The following NAV1 variants were observed in gnomAD, a reference collection of about 807,000 sequenced individuals.
NAV1 encodes pore membrane and/or filament interacting like protein 3.
In NAV1, 18 loss-of-function variants were observed where a neutral mutation model predicts 175.2. The observed-to-expected ratio is 0.10, with a 90% CI of 0.07 to 0.15. The LOEUF is 0.15. Ranked by LOEUF, NAV1 falls within the 10% of genes least tolerant of loss-of-function variation. The pLI is 1.00. For missense variants in NAV1, 1,731 were observed against 2,436.6 expected, an observed-to-expected ratio of 0.71 and a Z score of 6.10; for synonymous variants, 897 against 978.7, an observed-to-expected ratio of 0.92 and a Z score of 1.56.
Position 201,771,332 on chromosome 1 carries a change from G to A in NAV1, c.1227-9089G>A, listed in dbSNP as rs566408027. Among the ~76,000 whole-genome samples the A allele has an allele frequency of 2.0e-5, 3 of 151,512 alleles. No individual in the cohort carries two copies. The East Asian group carries it at 5.8e-4, about 30-fold the overall frequency. The stretch of plus-strand genomic sequence containing the variant: ...TCAAGACCAGCCTGGCCAACATGGC[G>A]AAACTCCATCTCTACTTAAAATACA... On this transcript the variant is annotated intron_variant, in intron 3 of 29. Transcript: ENST00000367296.
At chr1:201,691,240 C>A (rs112169769) in intron 1 of NAV1, among the ~76,000 whole-genome samples, 4 of 152,196 alleles carry the variant, frequency 2.6e-5, no homozygotes, top group Admixed American at 1.3e-4. Flanking sequence ...CTCCAGACAT[C>A]ACCAAATGTC....
At position 201,785,299 on chromosome 1, in the gene NAV1, T is replaced by A. The variant is rs761921346; in HGVS notation, c.2805-11T>A. 145 of 1,534,200 alleles carry A rather than the reference T, an allele frequency of 9.5e-5. No homozygotes were observed. Among genetic ancestry groups the A allele is most frequent in the Non-Finnish European group, 1.1e-4 (125 of 1,142,196 alleles). ...CTCTCTCTCTTTTTTTTTTTTTTTT[T>A]ATCTCCACAGTAATCAGCGGGATCG... is the stretch of plus-strand genomic sequence containing the variant. On this transcript the variant is annotated splice_polypyrimidine_tract_variant and intron_variant, in intron 7 of 29. Transcript: ENST00000367296.
At chr1:201,632,595 C>T (rs1668508578) in intron 2 of NAV1, among the ~76,000 whole-genome samples, 1 of 152,232 alleles carries the variant, frequency 6.6e-6, no homozygotes. Context: ...GAAAGGTTGC[C>T]CCAAGGCTTA....
intron 1 of NAV1, among the ~76,000 whole-genome samples, chr1:201,704,927 A>G (rs1303496935): frequency 3.9e-5 from 6 of 152,190 alleles, no homozygotes; most frequent in Non-Finnish European, 1.5e-5. Flanking sequence ...AAAGAGGGGA[A>G]GTAATTCACC....
chr1:201,570,448 C>T (rs1666498766), intron 1 of NAV1, among the ~76,000 whole-genome samples: 1 of 152,222 alleles, frequency 6.6e-6, no homozygotes, highest in Admixed American at 6.5e-5. Context: ...TGGGAAAGGG[C>T]TCTCCAGCCA....
chr1:201,650,140 A>G (rs980253762), intron 1 of NAV1, among the ~76,000 whole-genome samples: 1 of 152,246 alleles, frequency 6.6e-6, no homozygotes, highest in Non-Finnish European at 1.5e-5. Context: ...TTGACCGGGA[A>G]GCCTTTGCCC....
At chr1:201,733,010 G>T (rs1367490758) in intron 3 of NAV1, among the ~76,000 whole-genome samples, 2 of 152,126 alleles carry the variant, frequency 1.3e-5, no homozygotes, top group Non-Finnish European at 2.9e-5. Flanking sequence ...GGCGGAGGTT[G>T]CAGTGAGCTG....
chr1:201,784,066 A>G (rs1335944252), intron 7 of NAV1, among the ~76,000 whole-genome samples: 1 of 152,224 alleles, frequency 6.6e-6, no homozygotes, highest in African/African-American at 2.4e-5. Context: ...AAATGAAGAA[A>G]CTTGTGCACA....
chr1:201,665,997 G>A (rs1357790958), intron 1 of NAV1, among the ~76,000 whole-genome samples: 3 of 152,078 alleles, frequency 2.0e-5, no homozygotes, highest in Admixed American at 1.3e-4. Flanking sequence ...ACGTGTAAAG[G>A]AAGTGAAGGA....
At chr1:201,731,174 G>A (rs570703972) in intron 3 of NAV1, among the ~76,000 whole-genome samples, 1 of 148,592 alleles carries the variant, frequency 6.7e-6, no homozygotes, top group Admixed American at 6.6e-5. Context: ...ACGGGGGCAT[G>A]TGCGGTAGAA....
At chr1:201,643,077 TTCTC>T (rs566102454) in intron 2 of NAV1, among the ~76,000 whole-genome samples, 9 of 150,300 alleles carry the variant, frequency 6.0e-5, no homozygotes, top group Non-Finnish European at 1.0e-4. Context: ...CCTGGCCTCT[TTCTC>T]TCTTTCTTTC....
chr1:201,627,311 C>T lies in NAV1; in HGVS notation c.-100-2093C>T, dbSNP rs12041023. ...TTTTTGAAATGGAGTCTCACTCTGT[C>T]GCCCAGGCTGGAGTGCAGTAGCACG... On this transcript the variant is annotated intron_variant, in intron 1 of 29. Coordinates refer to the NAV1 transcript ENST00000367302. 1.8e-4 allele frequency among the ~76,000 whole-genome samples: 27 copies of T among 151,584 alleles called. No individual in the cohort carries two copies. In the East Asian group the frequency reaches 4.1e-3, roughly 23 times the overall value.
At chr1:201,551,835 A>G (rs1228800548) in intron 1 of NAV1, among the ~76,000 whole-genome samples, 1 of 152,218 alleles carries the variant, frequency 6.6e-6, no homozygotes, top group Non-Finnish European at 1.5e-5. Flanking sequence ...CTGGCAACCC[A>G]TTAAAACTCC....
chr1:201,780,629 T>C, intron 4 of NAV1, 70 bp downstream of exon 8: 2 of 1,598,454 alleles, frequency 1.3e-6, no homozygotes, highest in Non-Finnish European at 1.7e-6. Context: ...ATTATCTGTG[T>C]ATGGGGTTGC....
At chr1:201,772,909 T>C (rs948877085) in intron 3 of NAV1, among the ~76,000 whole-genome samples, 2 of 151,998 alleles carry the variant, frequency 1.3e-5, no homozygotes, top group African/African-American at 4.8e-5. Context: ...GGCGGGTGCT[T>C]GTAGTCCTAG....
chr1:201,608,429 G>C (rs2102247381), intron 2 of NAV1, among the ~76,000 whole-genome samples: 1 of 152,326 alleles, frequency 6.6e-6, no homozygotes, highest in South Asian at 2.1e-4. Flanking sequence ...TTGCTGGGCA[G>C]CCTCGGTCTA....
intron 17 of NAV1, among the ~76,000 whole-genome samples, chr1:201,805,256 T>C (rs929379837): frequency 2.6e-5 from 4 of 152,124 alleles, no homozygotes; most frequent in Non-Finnish European, 5.9e-5. Context: ...ACCAAAAAAA[T>C]TATACATATA....
chr1:201,627,639 G>C (rs1274971890), intron 1 of NAV1, among the ~76,000 whole-genome samples: 1 of 151,288 alleles, frequency 6.6e-6, no homozygotes, highest in African/African-American at 2.4e-5. Flanking sequence ...GCTGTGCTTA[G>C]CTCTTTACAT....
rs200979257 is a variant in NAV1 at position 201,803,735 on chromosome 1, T to G, written c.3639+21T>G. On this transcript the variant is annotated intron_variant, in intron 16 of 29. Coordinates refer to ENST00000367296, the Ensembl canonical transcript of NAV1. ...GTTGGGTAGGTAAAGGTTTGGGGGGTGGGAAGTAGGTAGAACCGTGGTGGA... is the reference window on the plus strand; with the variant it reads ...GTTGGGTAGGTAAAGGTTTGGGGGGGGGGAAGTAGGTAGAACCGTGGTGGA... 6.8e-6 allele frequency: 11 copies of G among 1,606,904 alleles called. No homozygotes were observed. In the African/African-American group the frequency reaches 9.4e-5, roughly 14 times the overall value.
Sources: gnomAD v4.1 joint callset for allele counts (sites outside exome capture counted in the v4.1 genomes callset) on GRCh38, gnomAD v4.1.1 for gene constraint, MANE v1.5 for transcripts, NCBI Gene and HGNC (gene_info 2026-07-23, HGNC 2026-07-21) for gene names.